NLRP8: variants seen among roughly 807,000 people sequenced by gnomAD.
NLRP8 encodes the protein NLR family pyrin domain containing 8, also known as NACHT, LRR and PYD domains-containing protein 8.
NLRP8 carries 86 observed loss-of-function variants against 88.7 expected under a neutral mutation model. That is an observed-to-expected ratio of 0.97 (90% CI 0.81 to 1.16). NLRP8 has a LOEUF of 1.16. NLRP8 is among the 50% of genes most tolerant of loss of function. The pLI, the probability that NLRP8 is intolerant of heterozygous loss-of-function variation, is 0.00. For synonymous variants in NLRP8, 504 were observed against 494.6 expected (o/e 1.02, Z -0.25); for missense variants, 1,342 against 1,286.5 (o/e 1.04, Z -0.66).
At chr19:55,968,765 T>C (rs1600308259) in intron 5 of NLRP8, among the ~76,000 whole-genome samples, 1 of 152,132 alleles carries the variant, frequency 6.6e-6, no homozygotes, top group Admixed American at 6.6e-5. Flanking sequence ...TAAAATAAAA[T>C]AATGTTTTAT....
rs148831791 is a variant in NLRP8 at position 55,956,635 on chromosome 19, C to T, written c.2042+535C>T. Among the ~76,000 whole-genome samples, 553 of 152,246 alleles carry T rather than the reference C, an allele frequency of 3.6e-3. 4 individuals are homozygous for T. Among genetic ancestry groups the T allele is most frequent in the African/African-American group, 0.013 (533 of 41,552 alleles). On this transcript the variant is annotated intron_variant, in intron 3 of 9. Transcript: ENST00000291971. Reference sequence around the variant, plus strand: ...TTTGTTTAGGATTAAGGAGATTTCTCAGACCCAGGACTTTGTTTTACTGCC... The same window carrying T: ...TTTGTTTAGGATTAAGGAGATTTCTTAGACCCAGGACTTTGTTTTACTGCC...
chr19:55,955,089 C>A lies in NLRP8; in HGVS notation c.1031C>A (p.Pro344His), dbSNP rs1456799153. The A allele has an allele frequency of 6.2e-7, 1 of 1,614,074 alleles. No homozygotes were observed. Among genetic ancestry groups the A allele is most frequent in the Non-Finnish European group, 8.5e-7 (1 of 1,179,964 alleles). Residue 344 changes from proline (P) to histidine (H), a missense_variant, in exon 3 of 10, where the codon CCC becomes CAC. Pro to His is a moderately conservative substitution (Grantham distance 77). Coordinates refer to ENST00000291971, the MANE Select transcript of NLRP8 (RefSeq NM_176811.2). ...TTTACCTCTTGGCAGACATGCAAGCCCTTGCTGAAATGTCCCTCTCTCGTA... is the reference window on the plus strand; with the variant it reads ...TTTACCTCTTGGCAGACATGCAAGCACTTGCTGAAATGTCCCTCTCTCGTA...
At chr19:55,964,861 C>T (rs1285441997) in intron 4 of NLRP8, among the ~76,000 whole-genome samples, 1 of 152,048 alleles carries the variant, frequency 6.6e-6, no homozygotes, top group East Asian at 1.9e-4. Flanking sequence ...TAAATATATG[C>T]AGGTTTTTTA....
At chr19:55,966,528 C>T (rs756849558) in intron 5 of NLRP8, 148 bp downstream of exon 5, 31 of 761,176 alleles carry the variant, frequency 4.1e-5, no homozygotes, top group Admixed American at 1.8e-4. Context: ...TTGGGCCGGG[C>T]GCGGTGGCTC....
intron 8 of NLRP8, among the ~76,000 whole-genome samples, chr19:55,978,194 A>T (rs1229764754): frequency 6.6e-6 from 1 of 151,718 alleles, no homozygotes; most frequent in Non-Finnish European, 1.5e-5. Context: ...GTTTAATTTA[A>T]TTTTTTTTAA....
Position 55,979,252 on chromosome 19 carries a change from T to G in NLRP8, c.2877-142T>G, listed in dbSNP as rs146339393. On this transcript the variant is annotated intron_variant, in intron 8 of 9. Transcript: ENST00000291971. ...AAAGGACACAAAGAAACTGATTGACTATAGGTGAATAGACCATAGTTGGAA... is the reference window on the plus strand; with the variant it reads ...AAAGGACACAAAGAAACTGATTGACGATAGGTGAATAGACCATAGTTGGAA... The G allele has an allele frequency of 9.7e-4, 836 of 862,522 alleles. 11 individuals are homozygous for G. The African/African-American group carries it at 0.013, about 13-fold the overall frequency. 53.4% of individuals were successfully genotyped at this position (862,522 alleles called of 1,614,324 possible).
At chr19:55,975,208 G>A (rs1403178617) in intron 7 of NLRP8, among the ~76,000 whole-genome samples, 1 of 152,166 alleles carries the variant, frequency 6.6e-6, no homozygotes, top group African/African-American at 2.4e-5. Context: ...CTCTGCCTGC[G>A]TGAATTCCCA....
In NLRP8 at chr19:55,955,370, A is replaced by G. The variant is rs1185134570; in HGVS notation, c.1312A>G (p.Arg438Gly). Residue 438 changes from arginine to glycine, a missense_variant, in exon 3 of 10, where the codon AGA becomes GGA. Physicochemically the swap from Arg to Gly is moderately radical, Grantham distance 125 (BLOSUM62 -2). Coordinates refer to ENST00000291971, the MANE Select transcript of NLRP8 (RefSeq NM_176811.2). ...GTATATTTCTAGCTTGTTTCCCACC[A>G]GAGCTGAGAACTTTTCCAGAAAGAT... 3.1e-6 allele frequency: 5 copies of G among 1,614,082 alleles called. No individual in the cohort carries two copies. Among genetic ancestry groups the G allele is most frequent in the Admixed American group, 1.7e-5 (1 of 59,998 alleles).
rs931979857 is a variant in NLRP8, at chr19:55,955,402, A to G, written c.1344A>G (p.Gln448=). The G allele has an allele frequency of 6.2e-7, 1 of 1,614,100 alleles. No individual in the cohort carries two copies. Among genetic ancestry groups the G allele is most frequent in the African/African-American group, 1.3e-5 (1 of 74,932 alleles). ...AGAACTTTTCCAGAAAGATCCACCA[A>G]GCACAACTGGAAGGTCTGTGTCACT... Residue 448 remains glutamine, a synonymous_variant, in exon 3 of 10, where the codon CAA becomes CAG. Coordinates refer to ENST00000291971, the MANE Select transcript of NLRP8 (RefSeq NM_176811.2).
Position 55,976,189 on chromosome 19 carries a change from G to A in NLRP8, c.2762G>A (p.Cys921Tyr). 6.2e-7 allele frequency: 1 copy of A among 1,613,650 alleles called. No homozygotes were observed. ...TGTCAGGATATGATCTCTGCGCTCTGTAAAAATAAAACCCTGAAAAGTCTT... is the reference window on the plus strand; with the variant it reads ...TGTCAGGATATGATCTCTGCGCTCTATAAAAATAAAACCCTGAAAAGTCTT... The change falls in exon 8 of 10, where the codon TGT (cysteine) becomes TAT (tyrosine). Residue 921 changes from cysteine to tyrosine, a missense_variant. Physicochemically the swap from Cys to Tyr is radical, Grantham distance 194 (BLOSUM62 -2). Transcript: ENST00000291971.
chr19:55,965,353 A>G (rs544270374), intron 4 of NLRP8, among the ~76,000 whole-genome samples: 1 of 152,210 alleles, frequency 6.6e-6, no homozygotes, highest in South Asian at 2.1e-4. Context: ...TGGGAGGCTG[A>G]GGCAGGAGAA....
chr19:55,966,476 C>T, intron 5 of NLRP8, 96 bp downstream of exon 5: 1 of 1,183,020 alleles, frequency 8.5e-7, no homozygotes, highest in South Asian at 1.5e-5. Flanking sequence ...CTGTCCTTTC[C>T]TTTGATCTGC....
intron 9 of NLRP8, among the ~76,000 whole-genome samples, chr19:55,984,850 A>G (rs576977359): frequency 2.6e-5 from 4 of 152,280 alleles, no homozygotes; most frequent in Non-Finnish European, 4.4e-5. Context: ...AGAAAAAATT[A>G]AAGAATACCT....
chr19:55,981,406 C>G (rs1600318363), intron 9 of NLRP8, among the ~76,000 whole-genome samples: 1 of 152,074 alleles, frequency 6.6e-6, no homozygotes, highest in Non-Finnish European at 1.5e-5. Flanking sequence ...ATTGGGGGCA[C>G]CAAGGTAAGG....
intron 5 of NLRP8, among the ~76,000 whole-genome samples, chr19:55,968,306 G>A (rs1979932235): frequency 6.6e-6 from 1 of 151,198 alleles, no homozygotes; most frequent in Non-Finnish European, 1.5e-5. Context: ...GGGTGTGGTG[G>A]TGCGCACCTA....
intron 5 of NLRP8, among the ~76,000 whole-genome samples, chr19:55,970,338 T>G (rs1477654474): frequency 6.6e-6 from 1 of 152,204 alleles, no homozygotes; most frequent in Non-Finnish European, 1.5e-5. Context: ...TTCCAGTTGA[T>G]GACAGCCCCA....
intron 4 of NLRP8, among the ~76,000 whole-genome samples, chr19:55,962,951 C>T (rs1031020754): frequency 2.0e-4 from 30 of 152,136 alleles, no homozygotes; most frequent in Admixed American, 1.9e-3. Context: ...ACAGAAGCCA[C>T]GTGCGACCTG....
intron 5 of NLRP8, among the ~76,000 whole-genome samples, chr19:55,969,562 A>T (rs993256361): frequency 2.6e-5 from 4 of 152,154 alleles, no homozygotes; most frequent in Admixed American, 6.5e-5. Flanking sequence ...TGCTGCTATA[A>T]ACATGCATGT....
In NLRP8 at chr19:55,965,729, A is replaced by G. The variant is rs534058672; in HGVS notation, c.2214-484A>G. ...GTGCAGGTTTGTTACATAGGTATAC[A>G]TGCGCTGTGGTGGTTTGCTGCACCC... On this transcript the variant is annotated intron_variant, in intron 4 of 9. Transcript: ENST00000291971. Among the ~76,000 whole-genome samples, 60 of 152,196 alleles carry G rather than the reference A, an allele frequency of 3.9e-4. 2 individuals carry two copies. Among genetic ancestry groups the G allele is most frequent in the South Asian group, 1.0e-3 (5 of 4,818 alleles).
Sources: allele counts gnomAD v4.1 joint callset (sites outside exome capture counted in the v4.1 genomes callset), GRCh38; gene constraint gnomAD v4.1.1; transcripts MANE v1.5; gene names NCBI Gene and HGNC (gene_info 2026-07-23, HGNC 2026-07-21).